PPP4R4: variants seen among roughly 807,000 people sequenced by gnomAD.
PPP4R4 encodes the protein protein phosphatase 4 regulatory subunit 4.
In PPP4R4, 70 loss-of-function variants were observed where a neutral mutation model predicts 121.8. The ratio of observed to expected loss-of-function variants is 0.57; its 90% CI spans 0.47 to 0.70. The LOEUF is 0.70. Among genes scored for constraint, PPP4R4 ranks in the 30% least tolerant of loss-of-function variants. The pLI is 0.00. For missense variants in PPP4R4, 875 were observed against 1,033.6 expected, an observed-to-expected ratio of 0.85 and a Z score of 2.10; for synonymous variants, 348 against 355.7, an observed-to-expected ratio of 0.98 and a Z score of 0.24.
At chr14:94,242,145 T>G (rs1892667440) in intron 10 of PPP4R4, 144 bp from the exon 11 acceptor site, 1 of 1,192,768 alleles carries the variant, frequency 8.4e-7, no homozygotes, top group Non-Finnish European at 1.2e-6. Flanking sequence ...AATAGACACA[T>G]ATTTGGATCT....
At position 94,275,409 on chromosome 14, in the gene PPP4R4, C is replaced by T. The variant is rs1454230839; in HGVS notation, c.2485C>T (p.Pro829Ser). The change falls in exon 24 of 25, where the codon CCA (proline) becomes TCA (serine). Residue 829 changes from proline to serine, a missense_variant. By Grantham distance (74) the Pro-to-Ser change is moderately conservative (BLOSUM62 -1). Transcript: ENST00000304338. The part of the protein sequence containing the change: ...SFRTRNASSV[P>S]SSFSPNTPLP... ...CCGGACTCGTAATGCCAGTAGCGTT[C>T]CATCTTCCTTTTCTCCTAATACTCC... 10 of 1,613,878 alleles carry T rather than the reference C, an allele frequency of 6.2e-6. No homozygotes were observed. In the East Asian group the frequency reaches 2.2e-4, roughly 36 times the overall value.
intron 2 of PPP4R4, among the ~76,000 whole-genome samples, chr14:94,185,907 T>TTCA (rs1889250785): frequency 6.6e-6 from 1 of 152,188 alleles, no homozygotes; most frequent in Non-Finnish European, 1.5e-5. Context: ...ATAGAACATT[T>TTCA]TCATCACCCC....
chr14:94,180,779 C>T (rs536842682), intron 2 of PPP4R4, among the ~76,000 whole-genome samples: 2 of 152,076 alleles, frequency 1.3e-5, no homozygotes, highest in Admixed American at 1.3e-4. Context: ...CCTCCACAGC[C>T]ACTGCCCCCG....
chr14:94,251,729 A>AT lies in PPP4R4; in HGVS notation c.1718-15dup, dbSNP rs751693282. ...ATATAGGAAAAATTAACTTAAGATAATTTTTGTTGTTGTTTCTAGAATTGG... is the reference window on the plus strand; with the variant it reads ...ATATAGGAAAAATTAACTTAAGATAATTTTTTGTTGTTGTTTCTAGAATTGG... On this transcript the variant is annotated intron_variant, in intron 15 of 24. Transcript: ENST00000304338. 2 of 1,507,498 alleles carry AT rather than the reference A, an allele frequency of 1.3e-6. No individual in the cohort carries two copies. The highest frequency in any genetic ancestry group is 2.8e-5 in the African/African-American group (2 of 70,440). 93.4% of individuals were successfully genotyped at this position (1,507,498 alleles called of 1,614,324 possible). A position where few individuals can be genotyped will look rare whatever the true frequency, so the allele number is the denominator to read the frequency against.
intron 23 of PPP4R4, among the ~76,000 whole-genome samples, chr14:94,272,601 C>T (rs1355210430): frequency 1.3e-5 from 2 of 152,168 alleles, no homozygotes; most frequent in Non-Finnish European, 2.9e-5. Flanking sequence ...ATGGTAATGA[C>T]ATTTTAGATA....
chr14:94,251,704 A>G, intron 15 of PPP4R4, 45 bp from the exon 16 acceptor site: 2 of 1,423,648 alleles, frequency 1.4e-6, no homozygotes, highest in Non-Finnish European at 1.9e-6. Flanking sequence ...CTTTAATTTC[A>G]TATAGGAAAA....
At chr14:94,241,236 G>A (rs916795372) in intron 9 of PPP4R4, among the ~76,000 whole-genome samples, 2 of 152,004 alleles carry the variant, frequency 1.3e-5, no homozygotes, top group Non-Finnish European at 2.9e-5. Flanking sequence ...TTTCCGTATC[G>A]ATGTGAGATA....
intron 2 of PPP4R4, among the ~76,000 whole-genome samples, chr14:94,187,235 G>C (rs554144423): frequency 1.3e-5 from 2 of 152,004 alleles, no homozygotes; most frequent in African/African-American, 4.8e-5. Context: ...TTGCCCCGGA[G>C]GCAGAGGTTG....
chr14:94,177,704 G>A (rs1031515312), intron 2 of PPP4R4, among the ~76,000 whole-genome samples: 4 of 152,088 alleles, frequency 2.6e-5, no homozygotes, highest in African/African-American at 9.7e-5. Context: ...CAGTGATAAG[G>A]CTTCTTTTTA....
At chr14:94,265,605 T>G in intron 21 of PPP4R4, 132 bp downstream of exon 21, 1 of 871,334 alleles carries the variant, frequency 1.1e-6, no homozygotes, top group Non-Finnish European at 1.8e-6. Flanking sequence ...TCACCTTCTA[T>G]CATTAGGTGT....
At chr14:94,248,435 C>T (rs1049499435) in intron 14 of PPP4R4, among the ~76,000 whole-genome samples, 5 of 152,168 alleles carry the variant, frequency 3.3e-5, no homozygotes, top group Non-Finnish European at 5.9e-5. Context: ...AAAAACATTC[C>T]TTACTCATGG....
intron 2 of PPP4R4, among the ~76,000 whole-genome samples, chr14:94,207,405 G>A (rs1890515506): frequency 6.6e-6 from 1 of 151,908 alleles, no homozygotes; most frequent in South Asian, 2.1e-4. Flanking sequence ...AACAGAAAAA[G>A]CCTTTCTTCA....
At chr14:94,187,714 G>T (rs1207729072) in intron 2 of PPP4R4, among the ~76,000 whole-genome samples, 1 of 151,652 alleles carries the variant, frequency 6.6e-6, no homozygotes, top group Non-Finnish European at 1.5e-5. Context: ...TCTCTTGGCT[G>T]TGACGCTTTC....
chr14:94,250,064 C>A, intron 14 of PPP4R4, 108 bp from the exon 15 acceptor site: 1 of 673,740 alleles, frequency 1.5e-6, no homozygotes, highest in Admixed American at 2.2e-5. Context: ...AGTTGAGAGG[C>A]AGTGAACACT....
intron 3 of PPP4R4, 67 bp from the exon 4 acceptor site, chr14:94,230,499 TATTTAGTTTCTACAACCTTGG>T (rs1891956394): frequency 8.1e-7 from 1 of 1,236,248 alleles, no homozygotes; most frequent in Non-Finnish European, 1.1e-6. Flanking sequence ...GGAATATGAC[TATTTAGTTTCTACAACCTTGG>T]ATTTTTAAAA....
intron 2 of PPP4R4, among the ~76,000 whole-genome samples, chr14:94,188,575 A>ATC (rs1889418763): frequency 6.6e-6 from 1 of 151,546 alleles, no homozygotes; most frequent in Admixed American, 6.6e-5. Context: ...ATATATATAT[A>ATC]TGTGTGTATA....
At chr14:94,218,398 CACA>C (rs1891153005) in intron 3 of PPP4R4, among the ~76,000 whole-genome samples, 2 of 142,472 alleles carry the variant, frequency 1.4e-5, no homozygotes, top group African/African-American at 2.6e-5. Context: ...CACACACACA[CACA>C]CCTCCTCACC....
chr14:94,221,998 T>C (rs886125516), intron 3 of PPP4R4, among the ~76,000 whole-genome samples: 3 of 152,092 alleles, frequency 2.0e-5, no homozygotes, highest in African/African-American at 7.2e-5. Context: ...CATTCAATGA[T>C]ATAATACTCT....
chr14:94,243,974 C>CG (rs1410148589), intron 11 of PPP4R4, among the ~76,000 whole-genome samples: 108 of 138,338 alleles, frequency 7.8e-4, no homozygotes, highest in African/African-American at 3.0e-3. Flanking sequence ...ATCCAGGGAC[C>CG]ATTTTTTTTT....
Sources: allele counts gnomAD v4.1 joint callset (sites outside exome capture counted in the v4.1 genomes callset), GRCh38; gene constraint gnomAD v4.1.1; transcripts MANE v1.5; gene names NCBI Gene and HGNC (gene_info 2026-07-23, HGNC 2026-07-21).